Variants in BCL6 observed in about 807,000 individuals in gnomAD.
BCL6 encodes the protein B-cell lymphoma 6 protein.
Under a neutral mutation model 59.5 loss-of-function variants are expected in BCL6, and 7 were observed. The ratio of observed to expected loss-of-function variants is 0.12; its 90% CI spans 0.07 to 0.22. The LOEUF (loss-of-function observed/expected upper bound fraction) is 0.22. Ranked by LOEUF, BCL6 falls within the 10% of genes least tolerant of loss-of-function variation. BCL6 has a pLI of 1.00. For synonymous variants in BCL6, 339 were observed against 349.7 expected, an observed-to-expected ratio of 0.97 and a Z score of 0.34; for missense variants, 685 against 939.4, an observed-to-expected ratio of 0.73 and a Z score of 3.54.
At chr3:187,735,633 C>T (rs1719249352) in intron 1 of BCL6, among the ~76,000 whole-genome samples, 1 of 152,180 alleles carries the variant, frequency 6.6e-6, no homozygotes, top group African/African-American at 2.4e-5. Context: ...TGTGCTTCTC[C>T]CTGCTGGTAA....
At chr3:187,739,050 C>T (rs1711504663) in intron 1 of BCL6, among the ~76,000 whole-genome samples, 4 of 152,180 alleles carry the variant, frequency 2.6e-5, no homozygotes, top group Non-Finnish European at 4.4e-5. Flanking sequence ...TCGCCCCTCC[C>T]CTCCTTCCCA....
At chr3:187,744,941 T>C (rs1576885960) in intron 1 of BCL6, among the ~76,000 whole-genome samples, 1 of 152,248 alleles carries the variant, frequency 6.6e-6, no homozygotes. Flanking sequence ...CTCCGCGGTC[T>C]GGGGCCAGAC....
chr3:187,744,979 C>A (rs923972193), intron 1 of BCL6, among the ~76,000 whole-genome samples: 1 of 152,060 alleles, frequency 6.6e-6, no homozygotes, highest in Non-Finnish European at 1.5e-5. Context: ...GAATCACCCC[C>A]CAAGCACTGT....
rs1166628220 is a variant in BCL6 at position 187,725,446 on chromosome 3, G to A, written c.1839+53C>T. The A allele has an allele frequency of 1.9e-5, 29 of 1,536,930 alleles. No individual in the cohort carries two copies. The Middle Eastern group carries it at 6.5e-4, about 34-fold the overall frequency. ...CGCTTGCCTGCCCACTCCTCCGCTCGCCTGCCCGCTCCGCTCGCCTGCCCG... is the reference window on the plus strand; with the variant it reads ...CGCTTGCCTGCCCACTCCTCCGCTCACCTGCCCGCTCCGCTCGCCTGCCCG... On this transcript the variant is annotated intron_variant, in intron 8 of 9. Coordinates refer to ENST00000406870, the MANE Select transcript of BCL6 (RefSeq NM_001706.5). This position sits in a 1 kb window ranked among gnomAD's most constrained non-coding sequence, Gnocchi z 4.7.
intron 1 of BCL6, among the ~76,000 whole-genome samples, chr3:187,741,948 A>G (rs902121865): frequency 3.9e-5 from 6 of 151,974 alleles, no homozygotes; most frequent in African/African-American, 1.5e-4. Flanking sequence ...GAACTCTTCT[A>G]CTTAAAATCA....
In BCL6 at chr3:187,739,888, G is replaced by C. The variant is rs531351627; in HGVS notation, c.-49-4981C>G. On this transcript the variant is annotated intron_variant, in intron 1 of 9. Transcript: ENST00000406870. ...GAAGTCAGCCAAGGTCCTTATTCAC[G>C]TTAATGAAGATGGAAGGCACTAACT... Among the ~76,000 whole-genome samples the C allele has an allele frequency of 2.0e-5, 3 of 152,320 alleles. No homozygotes were observed. The South Asian group carries it at 6.2e-4, about 32-fold the overall frequency.
At position 187,722,367 on chromosome 3, in the gene BCL6, A is replaced by G. The variant is rs1272140061; in HGVS notation, c.*91T>C. The G allele has an allele frequency of 7.5e-7, 1 of 1,332,184 alleles. No homozygotes were observed. The highest frequency in any genetic ancestry group is 2.8e-5 in the Admixed American group (1 of 35,372). The allele number at this position is 1,332,184 out of a possible 1,614,324, so 82.5% of individuals were successfully genotyped here. A position where few individuals can be genotyped will look rare whatever the true frequency, so the allele number is the denominator to read the frequency against. ...TGCACTAGTGGATGAAAGAGGCACTACATCATGGGATGAACATTGTAAAGT... is the reference window on the plus strand; with the variant it reads ...TGCACTAGTGGATGAAAGAGGCACTGCATCATGGGATGAACATTGTAAAGT... On this transcript the variant is annotated 3_prime_UTR_variant, in exon 10 of 10. Transcript: ENST00000406870.
rs751779279 is a variant in BCL6, at chr3:187,722,425, G to T, written c.*33C>A. On this transcript the variant is annotated 3_prime_UTR_variant, in exon 10 of 10. Transcript: ENST00000406870. ...TATCCTTTGGGTAGATTCTGAGAAG[G>T]GGCTGGAGACGAAAGCATCAACACT... 5.0e-6 allele frequency: 8 copies of T among 1,598,276 alleles called. No homozygotes were observed. The highest frequency in any genetic ancestry group is 6.8e-6 in the Non-Finnish European group (8 of 1,172,376).
intron 3 of BCL6, 138 bp downstream of exon 3, chr3:187,733,395 C>T (rs944080760): frequency 3.8e-5 from 38 of 998,256 alleles, no homozygotes; most frequent in East Asian, 2.4e-4. Flanking sequence ...TACTGTGCCA[C>T]GCCATGGTGC....
rs772259307 is a variant in BCL6 at position 187,729,629 on chromosome 3, T to C, written c.776A>G (p.Tyr259Cys). 9 of 1,614,064 alleles carry C rather than the reference T, an allele frequency of 5.6e-6. No homozygotes were observed. Among genetic ancestry groups the C allele is most frequent in the African/African-American group, 1.3e-5 (1 of 74,986 alleles). The change falls in exon 5 of 10, where the codon TAT becomes TGT. Residue 259 changes from tyrosine (Y) to cysteine (C), a missense_variant. Physicochemically the swap from Tyr to Cys is radical, Grantham distance 194 (BLOSUM62 -2). Transcript: ENST00000406870. This position sits in a 1 kb window ranked among gnomAD's most constrained non-coding sequence, Gnocchi z 5.6. Reference protein sequence around the residue: ...VSPNVCHSNIYSPKETIPEEA... With the variant: ...VSPNVCHSNICSPKETIPEEA... ...TTCTGGGATTGTTTCCTTGGGTGAA[T>C]AGATATTGCTGTGGCACACATTGGG...
intron 1 of BCL6, chr3:187,737,726 C>G (rs925126288): frequency 6.8e-6 from 1 of 146,618 alleles, no homozygotes; most frequent in African/African-American, 2.5e-5. Flanking sequence ...TTTGGTGCAC[C>G]TCGGTAGCTA....
At chr3:187,737,996 C>A (rs1380475609) in intron 1 of BCL6, 1 of 151,958 alleles carries the variant, frequency 6.6e-6, no homozygotes, top group African/African-American at 2.4e-5. Context: ...GAGGCGGGGC[C>A]GCTGGGGAAG....
At chr3:187,744,743 C>G (rs1711814880) in intron 1 of BCL6, among the ~76,000 whole-genome samples, 1 of 151,686 alleles carries the variant, frequency 6.6e-6, no homozygotes, top group Admixed American at 6.6e-5. Flanking sequence ...CCCAGAAGGA[C>G]AGGGGAAGGG....
At chr3:187,728,947 A>C in intron 5 of BCL6, 103 bp downstream of exon 5, 1 of 1,429,226 alleles carries the variant, frequency 7.0e-7, no homozygotes, top group Non-Finnish European at 9.3e-7. Flanking sequence ...CACTGATTCC[A>C]CACCTCTAAT....
chr3:187,743,182 T>A (rs962321810), intron 1 of BCL6, among the ~76,000 whole-genome samples: 10 of 152,154 alleles, frequency 6.6e-5, no homozygotes, highest in East Asian at 3.9e-4. Flanking sequence ...CCACTTTTTT[T>A]AAAATCCAGA....
intron 1 of BCL6, among the ~76,000 whole-genome samples, chr3:187,740,521 A>G (rs924413074): frequency 1.3e-5 from 2 of 152,132 alleles, no homozygotes; most frequent in African/African-American, 4.8e-5. Flanking sequence ...AAGAGGTTAA[A>G]CTCATGGTTC....
chr3:187,725,892 G>A lies in BCL6; in HGVS notation c.1709-263C>T, dbSNP rs1718666931. On this transcript the variant is annotated intron_variant, in intron 7 of 9. Transcript: ENST00000406870. This position sits in a 1 kb window ranked among gnomAD's most constrained non-coding sequence, Gnocchi z 4.7. The stretch of plus-strand genomic sequence containing the variant: ...GGAGTAGCAACAATGCCAGGTGTGG[G>A]ATAGGAGAGGGGGAGATTCCAGGAA... Among the ~76,000 whole-genome samples, 1 of 152,202 alleles carries A rather than the reference G, an allele frequency of 6.6e-6. No homozygotes were observed. The highest frequency in any genetic ancestry group is 2.4e-5 in the African/African-American group (1 of 41,460).
chr3:187,737,752 C>CTTTTTTTTTTTTT (rs60679881), intron 1 of BCL6: 2 of 83,376 alleles, frequency 2.4e-5, no homozygotes, highest in Non-Finnish European at 4.3e-5. Flanking sequence ...GTGTGTATGC[C>CTTTTTTTTTTTTT]TTTTTTTTTT....
chr3:187,741,360 A>G (rs1043964508), intron 1 of BCL6, among the ~76,000 whole-genome samples: 2 of 152,126 alleles, frequency 1.3e-5, no homozygotes, highest in Admixed American at 1.3e-4. Flanking sequence ...ACTCGACAGT[A>G]TTGGCAGAGA....
Sources: gnomAD v4.1 joint callset for allele counts (sites outside exome capture counted in the v4.1 genomes callset) on GRCh38, gnomAD v4.1.1 for gene constraint, Gnocchi (gnomAD v3.1) non-coding constraint, MANE v1.5 for transcripts, NCBI Gene and HGNC (gene_info 2026-07-23, HGNC 2026-07-21) for gene names.